Variants in GAK observed in about 807,000 individuals in gnomAD.
GAK encodes cyclin G associated kinase.
In GAK, 79 loss-of-function variants were observed where a neutral mutation model predicts 143.9. The ratio of observed to expected loss-of-function variants is 0.55; its 90% CI spans 0.46 to 0.66. The LOEUF is 0.66. Ranked by LOEUF, GAK falls within the 30% of genes least tolerant of loss-of-function variation. The pLI, the probability that GAK is intolerant of heterozygous loss-of-function variation, is 0.00. For missense variants in GAK, 1,693 were observed against 1,779.7 expected, an observed-to-expected ratio of 0.95 and a Z score of 0.88; for synonymous variants, 881 against 765.5, an observed-to-expected ratio of 1.15 and a Z score of -2.49.
chr4:883,464 C>T lies in GAK; in HGVS notation c.1256-1G>A. The T allele has an allele frequency of 6.2e-7, 1 of 1,613,318 alleles. No homozygotes were observed. The highest frequency in any genetic ancestry group is 8.5e-7 in the Non-Finnish European group (1 of 1,179,958). ...ACACCTTCTGCTGGGAATGACATCACTGAAACAAGCAGACCTGCGTCAGCA... is the reference window on the plus strand; with the variant it reads ...ACACCTTCTGCTGGGAATGACATCATTGAAACAAGCAGACCTGCGTCAGCA... On this transcript the variant is annotated splice_acceptor_variant, in intron 12 of 27. Coordinates refer to ENST00000314167, the MANE Select transcript of GAK (RefSeq NM_005255.4). LOFTEE classifies it high-confidence loss of function.
intron 23 of GAK, among the ~76,000 whole-genome samples, chr4:860,822 G>A (rs1448917826): frequency 2.6e-5 from 4 of 152,288 alleles, no homozygotes; most frequent in African/African-American, 9.6e-5. Flanking sequence ...CCCAGGCCCT[G>A]GCACATCGTG....
At chr4:916,701 C>T (rs189285633) in intron 1 of GAK, among the ~76,000 whole-genome samples, 121 of 152,266 alleles carry the variant, frequency 7.9e-4, no homozygotes, top group African/African-American at 2.8e-3. Context: ...GACCAAGTGT[C>T]GCTGAGGATG....
Position 867,411 on chromosome 4 carries a change from C to G in GAK, c.2417G>C (p.Gly806Ala). The G allele has an allele frequency of 6.5e-7, 1 of 1,530,622 alleles. No homozygotes were observed. The allele number at this position is 1,530,622 out of a possible 1,614,324, so 94.8% of individuals were successfully genotyped here. Reference sequence around the variant, plus strand: ...CTCCTTGGAAGAGGCATTTTCTGCACCAGTCTCTGCCTCCTTCTCTTCTGC... The same window carrying G: ...CTCCTTGGAAGAGGCATTTTCTGCAGCAGTCTCTGCCTCCTTCTCTTCTGC... ...DWQEEKEAET[G>A]AENASSKESE... Residue 806 changes from glycine to alanine, a missense_variant, in exon 21 of 28, where the codon GGT becomes GCT. Coordinates refer to ENST00000314167, the MANE Select transcript of GAK (RefSeq NM_005255.4).
chr4:893,937 C>A lies in GAK; in HGVS notation c.814G>T (p.Val272Phe). The A allele has an allele frequency of 6.2e-7, 1 of 1,613,056 alleles. No homozygotes were observed. The highest frequency in any genetic ancestry group is 8.5e-7 in the Non-Finnish European group (1 of 1,179,784). Residue 272 changes from valine (V) to phenylalanine (F), a missense_variant, in exon 8 of 28, where the codon GTC (valine) becomes TTC (phenylalanine). Around this residue, in one of 2 missense-constraint regions of GAK, gnomAD observed 871 missense variants for 991.0 expected, o/e 0.88. Transcript: ENST00000314167. ...GGGGGGATCGAGTACTTCCCATTGA[C>A]TATTCGAAGTTTCGCTCCATCCTCA... ...PFEDGAKLRI[V>F]NGKYSIPPHD...
At chr4:890,422 AGAG>A in intron 10 of GAK, 107 bp downstream of exon 10, 1 of 722,366 alleles carries the variant, frequency 1.4e-6, no homozygotes, top group South Asian at 1.9e-5. Flanking sequence ...CTCTGGTGGG[AGAG>A]GAGGCCCCGG....
chr4:856,602 CTGCTCACCACAGG>C (rs1448121005), intron 24 of GAK, among the ~76,000 whole-genome samples: 12 of 150,614 alleles, frequency 8.0e-5, no homozygotes, highest in East Asian at 3.9e-4. Flanking sequence ...GTGCTCACAG[CTGCTCACCACAGG>C]TGCTCACACC....
At chr4:926,081 T>G (rs1321104193) in intron 1 of GAK, among the ~76,000 whole-genome samples, 1 of 149,680 alleles carries the variant, frequency 6.7e-6, no homozygotes, top group Admixed American at 6.6e-5. Flanking sequence ...GACAGTGACC[T>G]CCCCAAACGT....
At chr4:890,714 G>A in intron 9 of GAK, 92 bp from the exon 10 acceptor site, 2 of 992,910 alleles carry the variant, frequency 2.0e-6, no homozygotes, top group South Asian at 1.5e-5. Flanking sequence ...TGCCCTCAGA[G>A]CCCATCCTTC....
intron 4 of GAK, 141 bp from the exon 5 acceptor site, chr4:904,920 A>T (rs904032756): frequency 3.8e-6 from 3 of 788,440 alleles, no homozygotes; most frequent in Non-Finnish European, 6.0e-6. Flanking sequence ...AAACGACCAG[A>T]GGTGACTCCC....
chr4:877,707 G>A lies in GAK; in HGVS notation c.1764C>T (p.Phe588=), dbSNP rs750344239. 3 of 1,613,358 alleles carry A rather than the reference G, an allele frequency of 1.9e-6. No homozygotes were observed. Among genetic ancestry groups the A allele is most frequent in the Admixed American group, 1.7e-5 (1 of 59,922 alleles). ...GCCTGCAGCCGCTCCTCTGCTTGCT[G>A]AACAGCGGCACGGGTGTCATGACCA... ...RAVVMTPVPL[F]SKQRSGCRPF... Residue 588 remains phenylalanine, a synonymous_variant, in exon 16 of 28, where the codon TTC becomes TTT. Coordinates refer to ENST00000314167, the MANE Select transcript of GAK (RefSeq NM_005255.4).
At chr4:890,419 G>T in intron 10 of GAK, 113 bp downstream of exon 10, 1 of 702,470 alleles carries the variant, frequency 1.4e-6, no homozygotes, top group Non-Finnish European at 2.3e-6. Context: ...CATCTCTGGT[G>T]GGAGAGGAGG....
intron 7 of GAK, 146 bp downstream of exon 7, chr4:896,314 G>C: frequency 1.5e-6 from 1 of 650,266 alleles, no homozygotes; most frequent in Non-Finnish European, 2.7e-6. Context: ...GATTCTTAAG[G>C]AAAGGAAAAA....
rs1577025280 is a variant in GAK, at chr4:852,262, C to A, written c.3284-288G>T. 7.6e-6 allele frequency: 4 copies of A among 522,936 alleles called. No individual in the cohort carries two copies. The East Asian group carries it at 1.0e-4, about 13-fold the overall frequency. 32.4% of individuals were successfully genotyped at this position (522,936 alleles called of 1,614,324 possible). ...CCACCCCCAGGAGCCAAGGCAGACCCAGGGCTTGTCCACGGGGGTTGGGGC... is the reference window on the plus strand; with the variant it reads ...CCACCCCCAGGAGCCAAGGCAGACCAAGGGCTTGTCCACGGGGGTTGGGGC... On this transcript the variant is annotated intron_variant, in intron 24 of 27. Transcript: ENST00000314167.
At chr4:876,339 C>T (rs1055141225) in intron 18 of GAK, among the ~76,000 whole-genome samples, 191 bp downstream of exon 18, 1 of 152,220 alleles carries the variant, frequency 6.6e-6, no homozygotes, top group Non-Finnish European at 1.5e-5. Flanking sequence ...GGCAGAGCAG[C>T]AGCCACCGGG....
chr4:905,464 ACGCCCCATGCCATGCTACGGACTCCG>A, intron 4 of GAK, among the ~76,000 whole-genome samples: 1 of 126,478 alleles, frequency 7.9e-6, no homozygotes, highest in African/African-American at 3.3e-5. Context: ...GGGCTCCGCC[ACGCCCCATGCCATGCTACGGACTCCG>A]CCACGCCCCA....
chr4:876,281 G>A (rs975582067), intron 18 of GAK, among the ~76,000 whole-genome samples: 2 of 152,244 alleles, frequency 1.3e-5, no homozygotes, highest in South Asian at 2.1e-4. Flanking sequence ...CTTACGCCAC[G>A]CCCGGGTGTG....
At chr4:917,204 G>A (rs773259243) in intron 1 of GAK, among the ~76,000 whole-genome samples, 1 of 151,832 alleles carries the variant, frequency 6.6e-6, no homozygotes, top group Non-Finnish European at 1.5e-5. Flanking sequence ...AAACGCAAAT[G>A]GATCTATGGT....
At chr4:896,395 C>A in intron 7 of GAK, 65 bp downstream of exon 7, 2 of 1,312,986 alleles carry the variant, frequency 1.5e-6, no homozygotes, top group East Asian at 2.4e-5. Context: ...GCCCGGCCCA[C>A]GCCGCCTCAG....
rs867153229 is a variant in GAK at position 849,366 on chromosome 4, C to T, written c.*307G>A. The stretch of plus-strand genomic sequence containing the variant: ...CACCAGGGCCCATGAGCGCCAGCAG[C>T]GTGGCCCACCACGTGCCGGGGCTCC... On this transcript the variant is annotated 3_prime_UTR_variant, in exon 28 of 28. Transcript: ENST00000314167. The T allele has an allele frequency of 7.1e-5, 32 of 449,500 alleles. No individual in the cohort carries two copies. The highest frequency in any genetic ancestry group is 1.3e-3 in the Middle Eastern group (2 of 1,586). 27.8% of individuals were successfully genotyped at this position (449,500 alleles called of 1,614,324 possible). A position where few individuals can be genotyped will look rare whatever the true frequency, so the allele number is the denominator to read the frequency against.
Sources: gnomAD v4.1 joint callset for allele counts (sites outside exome capture counted in the v4.1 genomes callset) on GRCh38, gnomAD v4.1.1 for gene constraint, gnomAD v4.1.1 regional missense constraint, MANE v1.5 for transcripts, NCBI Gene and HGNC (gene_info 2026-07-23, HGNC 2026-07-21) for gene names.